Variants in UBE3D observed in about 807,000 individuals in gnomAD.
The protein encoded by UBE3D is ubiquitin protein ligase E3D.
UBE3D carries 48 observed loss-of-function variants against 49.6 expected under a neutral mutation model. That is an observed-to-expected ratio of 0.97 (90% confidence interval 0.77 to 1.23). The LOEUF is 1.23. Among genes scored for constraint, UBE3D ranks in the 50% most tolerant of loss-of-function variants. The probability of loss-of-function intolerance (pLI) is 0.00; values close to 1 mark genes in which losing one functional copy is unlikely to be tolerated. For missense variants in UBE3D, 452 were observed against 468.4 expected, an observed-to-expected ratio of 0.96 and a Z score of 0.32; for synonymous variants, 189 against 174.2, an observed-to-expected ratio of 1.08 and a Z score of -0.67.
chr6:82,898,268 G>T (rs1771475848), intron 9 of UBE3D, among the ~76,000 whole-genome samples: 2 of 152,186 alleles, frequency 1.3e-5, no homozygotes, highest in Admixed American at 6.5e-5. Flanking sequence ...AAGACAGTAT[G>T]GCGATTCCTC....
chr6:83,049,892 A>G (rs1390522176), intron 3 of UBE3D: 4 of 429,136 alleles, frequency 9.3e-6, no homozygotes, highest in South Asian at 1.7e-5. Flanking sequence ...TGTTTCTGAG[A>G]CTATTCACAA....
Position 83,017,665 on chromosome 6 carries a change from G to A in UBE3D, c.1010+1308C>T, listed in dbSNP as rs1190580108. The A allele has an allele frequency of 2.0e-5, 3 of 152,152 alleles. No homozygotes were observed. The East Asian group carries it at 5.8e-4, about 29-fold the overall frequency. The allele number at this position is 152,152 out of a possible 1,614,324, so 9.4% of individuals were successfully genotyped here. A position where few individuals can be genotyped will look rare whatever the true frequency, so the allele number is the denominator to read the frequency against. Reference sequence around the variant, plus strand: ...GGACATTTATAAAAACTTCAGGTGGGAATATAAATTCATGATGCCTTTTTA... The same window carrying A: ...GGACATTTATAAAAACTTCAGGTGGAAATATAAATTCATGATGCCTTTTTA... On this transcript the variant is annotated intron_variant, in intron 8 of 9. Coordinates refer to ENST00000369747, the MANE Select transcript of UBE3D (RefSeq NM_198920.3).
intron 9 of UBE3D, among the ~76,000 whole-genome samples, chr6:82,909,942 G>C (rs1772379082): frequency 6.6e-6 from 1 of 152,060 alleles, no homozygotes; most frequent in African/African-American, 2.4e-5. Flanking sequence ...TGATCTTGGG[G>C]GACTAGAAAG....
In UBE3D at chr6:83,028,852, C is replaced by T. The variant is rs527775410; in HGVS notation, c.668-4814G>A. On this transcript the variant is annotated intron_variant, in intron 5 of 9. Transcript: ENST00000369747. ...TTTATTTGGAAACATCCTTATTTTGCCTTCATTTTTGAGTGATAGTTATGC... is the reference window on the plus strand; with the variant it reads ...TTTATTTGGAAACATCCTTATTTTGTCTTCATTTTTGAGTGATAGTTATGC... 3.3e-5 allele frequency among the ~76,000 whole-genome samples: 5 copies of T among 152,084 alleles called. No homozygotes were observed. In the South Asian group the frequency reaches 8.3e-4, roughly 25 times the overall value.
At chr6:83,033,368 G>A (rs186822819) in intron 5 of UBE3D, among the ~76,000 whole-genome samples, 1 of 152,152 alleles carries the variant, frequency 6.6e-6, no homozygotes, top group Admixed American at 6.5e-5. Flanking sequence ...GAGATTTAAA[G>A]GAGACAAACA....
intron 9 of UBE3D, among the ~76,000 whole-genome samples, chr6:82,931,065 T>A (rs773392243): frequency 1.2e-4 from 19 of 152,198 alleles, no homozygotes; most frequent in Non-Finnish European, 2.6e-4. Context: ...GCATCCTAGC[T>A]GCTCCAGTCA....
At chr6:83,003,825 T>G (rs1779792436) in intron 8 of UBE3D, among the ~76,000 whole-genome samples, 1 of 152,208 alleles carries the variant, frequency 6.6e-6, no homozygotes, top group African/African-American at 2.4e-5. Context: ...AGTTCATGAC[T>G]GTACTTACAA....
intron 9 of UBE3D, among the ~76,000 whole-genome samples, chr6:82,896,188 C>T (rs1275083870): frequency 1.3e-5 from 2 of 152,146 alleles, no homozygotes; most frequent in African/African-American, 4.8e-5. Flanking sequence ...TACCATTTAT[C>T]CATGACAAGA....
At chr6:82,954,304 TA>T (rs1776008929) in intron 9 of UBE3D, among the ~76,000 whole-genome samples, 1 of 152,236 alleles carries the variant, frequency 6.6e-6, no homozygotes. Flanking sequence ...TGTTGGCTTA[TA>T]ATTGCATTAG....
intron 8 of UBE3D, among the ~76,000 whole-genome samples, chr6:82,993,225 ATTCTC>A (rs578256326): frequency 5.3e-5 from 8 of 152,100 alleles, no homozygotes; most frequent in Non-Finnish European, 1.2e-4. Flanking sequence ...ATAAATATAA[ATTCTC>A]TTCCTTTGAT....
In UBE3D at chr6:83,028,528, C is replaced by G. The variant is rs113285467; in HGVS notation, c.668-4490G>C. Among the ~76,000 whole-genome samples the G allele has an allele frequency of 9.7e-3, 1,470 of 152,154 alleles. 22 individuals carry two copies. Among genetic ancestry groups the G allele is most frequent in the African/African-American group, 0.034 (1,393 of 41,504 alleles). ...CTCACTGTGAGGGCACAACATTTAG[C>G]GTCTCCTATTTTTGTGAGGTTCTCC... On this transcript the variant is annotated intron_variant, in intron 5 of 9. Coordinates refer to ENST00000369747, the MANE Select transcript of UBE3D (RefSeq NM_198920.3).
chr6:82,948,750 T>C (rs1047628235), intron 9 of UBE3D, among the ~76,000 whole-genome samples: 1 of 152,014 alleles, frequency 6.6e-6, no homozygotes, highest in Admixed American at 6.6e-5. Flanking sequence ...ATCAACAGAA[T>C]GAAGGCCAAA....
At chr6:82,902,996 T>G (rs1771847015) in intron 9 of UBE3D, among the ~76,000 whole-genome samples, 1 of 152,158 alleles carries the variant, frequency 6.6e-6, no homozygotes, top group Non-Finnish European at 1.5e-5. Context: ...ACTAGGGGTG[T>G]GAGTAGATCT....
At chr6:82,956,240 A>T (rs1316174271) in intron 9 of UBE3D, among the ~76,000 whole-genome samples, 1 of 152,184 alleles carries the variant, frequency 6.6e-6, no homozygotes, top group African/African-American at 2.4e-5. Context: ...TTTCTCAGCA[A>T]CGTAGGTTGT....
At chr6:82,989,903 C>T (rs1282617239) in intron 8 of UBE3D, among the ~76,000 whole-genome samples, 1 of 152,182 alleles carries the variant, frequency 6.6e-6, no homozygotes, top group African/African-American at 2.4e-5. Flanking sequence ...GATTTTTAGC[C>T]TTTCAGAGAT....
chr6:82,939,216 G>T (rs1299121951), intron 9 of UBE3D, among the ~76,000 whole-genome samples: 2 of 152,184 alleles, frequency 1.3e-5, no homozygotes, highest in African/African-American at 4.8e-5. Flanking sequence ...AGGCTGCCCA[G>T]AGCCTGCCAG....
At position 82,897,461 on chromosome 6, in the gene UBE3D, G is replaced by T. The variant is rs9449553; in HGVS notation, c.1150-4419C>A. 4.2e-3 allele frequency among the ~76,000 whole-genome samples: 639 copies of T among 152,010 alleles called. 8 individuals carry two copies. Among genetic ancestry groups the T allele is most frequent in the African/African-American group, 0.015 (614 of 41,474 alleles). Reference sequence around the variant, plus strand: ...CAAAAATTAGCTGGGTACAGTGGTGGGTGCCTGTAATCCCAGCTACTTGGG... The same window carrying T: ...CAAAAATTAGCTGGGTACAGTGGTGTGTGCCTGTAATCCCAGCTACTTGGG... On this transcript the variant is annotated intron_variant, in intron 9 of 9. Transcript: ENST00000369747.
intron 9 of UBE3D, among the ~76,000 whole-genome samples, chr6:82,948,478 A>T (rs994738400): frequency 6.6e-5 from 10 of 152,176 alleles, no homozygotes; most frequent in Middle Eastern, 6.8e-3. Context: ...TATTCTGGAA[A>T]ATAGAGAATG....
intron 9 of UBE3D, among the ~76,000 whole-genome samples, chr6:82,952,159 A>C (rs1775847611): frequency 6.6e-6 from 1 of 152,164 alleles, no homozygotes; most frequent in Non-Finnish European, 1.5e-5. Context: ...AGAGGTTAAC[A>C]TTATTTAGTG....
Sources: gnomAD v4.1 joint callset for allele counts (sites outside exome capture counted in the v4.1 genomes callset) on GRCh38, gnomAD v4.1.1 for gene constraint, MANE v1.5 for transcripts, NCBI Gene and HGNC (gene_info 2026-07-23, HGNC 2026-07-21) for gene names.